Variants in NTM observed in about 807,000 individuals in gnomAD.
NTM encodes the protein neurotrimin.
Under a neutral mutation model 42.1 loss-of-function variants are expected in NTM, and 13 were observed. The observed-to-expected ratio is 0.31, with a 90% confidence interval of 0.20 to 0.49. The LOEUF (loss-of-function observed/expected upper bound fraction) is 0.49. Ranked by LOEUF, NTM falls within the 20% of genes least tolerant of loss-of-function variation. The pLI is 0.99. For synonymous variants in NTM, 187 were observed against 179.2 expected (o/e 1.04, Z -0.35); for missense variants, 373 against 452.8 (o/e 0.82, Z 1.60).
chr11:131,915,369 T>C (rs2138080476), intron 2 of NTM, among the ~76,000 whole-genome samples: 1 of 152,312 alleles, frequency 6.6e-6, no homozygotes, highest in African/African-American at 2.4e-5. Context: ...TCTGTCTTCT[T>C]TCTTCCCTTG....
At chr11:132,043,038 G>A (rs2077415490) in intron 2 of NTM, among the ~76,000 whole-genome samples, 1 of 152,150 alleles carries the variant, frequency 6.6e-6, no homozygotes, top group Non-Finnish European at 1.5e-5. Flanking sequence ...GATTAAAGTG[G>A]AATACATTGT....
chr11:131,557,753 T>A (rs938167524), intron 1 of NTM, among the ~76,000 whole-genome samples: 1 of 34,298 alleles, frequency 2.9e-5, no homozygotes, highest in Non-Finnish European at 5.6e-5. Flanking sequence ...GCAGGGGGTG[T>A]GGGGGTATGG....
chr11:132,298,229 G>A (rs2094698123), intron 4 of NTM, among the ~76,000 whole-genome samples: 1 of 152,220 alleles, frequency 6.6e-6, no homozygotes, highest in African/African-American at 2.4e-5. Context: ...CCAAGATACT[G>A]AGGCAATATG....
intron 1 of NTM, chr11:131,910,777 A>C (rs1376997062): frequency 1.0e-6 from 1 of 959,088 alleles, no homozygotes; most frequent in Non-Finnish European, 1.2e-6. Context: ...CTCCTCGGCC[A>C]CCGCCGCAGC....
At chr11:132,009,283 A>C (rs1157648214) in intron 2 of NTM, among the ~76,000 whole-genome samples, 3 of 152,152 alleles carry the variant, frequency 2.0e-5, no homozygotes, top group Non-Finnish European at 2.9e-5. Context: ...ATTTTCCCTG[A>C]CTTTTACTGA....
chr11:131,741,162 TGAGAGAGAGAGAGAGAGAGA>T (rs71067330), intron 1 of NTM, among the ~76,000 whole-genome samples: 118 of 129,782 alleles, frequency 9.1e-4, no homozygotes, highest in African/African-American at 2.4e-3. Flanking sequence ...AAGACCCCGT[TGAGAGAGAGAGAGAGAGAGA>T]GAGAGAGAGA....
chr11:131,919,045 T>C (rs998672134), intron 2 of NTM, among the ~76,000 whole-genome samples: 3 of 151,822 alleles, frequency 2.0e-5, no homozygotes, highest in African/African-American at 7.3e-5. Flanking sequence ...AGGAGGATTC[T>C]ACAGGCCAGT....
chr11:132,138,538 T>G (rs2068398355), intron 2 of NTM, among the ~76,000 whole-genome samples: 1 of 136,888 alleles, frequency 7.3e-6, no homozygotes, highest in Non-Finnish European at 1.6e-5. Flanking sequence ...GAGTGTGTAT[T>G]AGTCTGGGTT....
At chr11:131,749,629 G>C (rs1442422797) in intron 1 of NTM, among the ~76,000 whole-genome samples, 1 of 152,034 alleles carries the variant, frequency 6.6e-6, no homozygotes, top group African/African-American at 2.4e-5. Flanking sequence ...ATGGAATTTT[G>C]CTCTTGTCAC....
Position 132,169,320 on chromosome 11 carries a change from C to CTTTTTTTTTTTTTTT in NTM, c.400+22824_400+22838dup, listed in dbSNP as rs567723794. ...GTGATATCTAGGTTTAATTTTTTTACTTTTTTTTTTTTTTTTTTTTTTTTT... is the reference window on the plus strand; with the variant it reads ...GTGATATCTAGGTTTAATTTTTTTACTTTTTTTTTTTTTTTTTTTTTTTTTTTTTTTTTTTTTTTT... On this transcript the variant is annotated intron_variant, in intron 3 of 8. Coordinates refer to ENST00000683400, the MANE Select transcript of NTM (RefSeq NM_001352005.2). Among the ~76,000 whole-genome samples, 248 of 32,382 alleles carry CTTTTTTTTTTTTTTT rather than the reference C, an allele frequency of 7.7e-3. 86 individuals carry two copies. Among genetic ancestry groups the CTTTTTTTTTTTTTTT allele is most frequent in the Non-Finnish European group, 9.6e-3 (176 of 18,380 alleles). The allele number at this position is 32,382 out of a possible 152,430, so 21.2% of individuals were successfully genotyped here.
intron 4 of NTM, among the ~76,000 whole-genome samples, chr11:132,268,613 CTGTG>C (rs148055985): frequency 2.5e-4 from 36 of 146,740 alleles, no homozygotes; most frequent in African/African-American, 6.5e-4. Context: ...GTGGTCTCCT[CTGTG>C]TGTGTGTGTG....
intron 1 of NTM, among the ~76,000 whole-genome samples, chr11:131,603,779 A>T (rs1224263979): frequency 6.6e-6 from 1 of 152,186 alleles, no homozygotes; most frequent in Non-Finnish European, 1.5e-5. Flanking sequence ...ATGGACTCAT[A>T]TACCATGTGG....
intron 2 of NTM, among the ~76,000 whole-genome samples, chr11:132,134,755 A>ATATATCTATATC (rs1555277645): frequency 5.4e-4 from 43 of 80,240 alleles, no homozygotes; most frequent in Non-Finnish European, 7.4e-4. Flanking sequence ...ATATATATAT[A>ATATATCTATATC]TATATCTCAC....
At chr11:131,543,858 T>G (rs1312234536) in intron 1 of NTM, among the ~76,000 whole-genome samples, 1 of 152,222 alleles carries the variant, frequency 6.6e-6, no homozygotes, top group Non-Finnish European at 1.5e-5. Flanking sequence ...GGCACATTAA[T>G]GCCAAGTTTG....
chr11:131,394,515 T>C (rs1254597198), intron 1 of NTM, among the ~76,000 whole-genome samples: 1 of 152,112 alleles, frequency 6.6e-6, no homozygotes, highest in Non-Finnish European at 1.5e-5. Context: ...CTAATGCTAG[T>C]TGTTGAGTGA....
intron 1 of NTM, among the ~76,000 whole-genome samples, chr11:131,903,986 C>G (rs2053524970): frequency 6.6e-6 from 1 of 152,046 alleles, no homozygotes; most frequent in African/African-American, 2.4e-5. Context: ...AATTCAAACA[C>G]AAGCAGTGAC....
At chr11:132,288,627 C>G (rs918153911) in intron 4 of NTM, among the ~76,000 whole-genome samples, 2 of 150,818 alleles carry the variant, frequency 1.3e-5, no homozygotes, top group Non-Finnish European at 3.0e-5. Context: ...CTTTCTTTTT[C>G]TTTTTTTTTG....
At chr11:131,846,319 T>C (rs760308345) in intron 1 of NTM, among the ~76,000 whole-genome samples, 61 of 152,196 alleles carry the variant, frequency 4.0e-4, no homozygotes, top group Non-Finnish European at 7.1e-4. Flanking sequence ...ACTTCTCAAC[T>C]TTGTGAATTC....
intron 2 of NTM, among the ~76,000 whole-genome samples, chr11:132,046,737 A>G (rs1048977783): frequency 6.6e-6 from 1 of 152,156 alleles, no homozygotes; most frequent in African/African-American, 2.4e-5. Context: ...GGCACTCTTT[A>G]GAGAAAGGCA....
Sources: gnomAD v4.1 joint callset for allele counts (sites outside exome capture counted in the v4.1 genomes callset) on GRCh38, gnomAD v4.1.1 for gene constraint, MANE v1.5 for transcripts, NCBI Gene and HGNC (gene_info 2026-07-23, HGNC 2026-07-21) for gene names.